The following KSR2 variants were observed in gnomAD, a reference collection of about 807,000 sequenced individuals.
KSR2 encodes the protein kinase suppressor of ras 2.
A neutral mutation model predicts 107.8 loss-of-function variants in KSR2; 25 were observed. The observed-to-expected ratio is 0.23, with a 90% CI of 0.17 to 0.32. The LOEUF is 0.32. KSR2 is among the 10% of genes least tolerant of loss of function. KSR2 has a pLI of 1.00. For missense variants in KSR2, 887 were observed against 1,268.9 expected (o/e 0.70, Z 4.57); for synonymous variants, 480 against 507.0 (o/e 0.95, Z 0.71).
At chr12:117,844,083 T>C (rs540645779) in intron 3 of KSR2, among the ~76,000 whole-genome samples, 2 of 152,252 alleles carry the variant, frequency 1.3e-5, no homozygotes, top group Admixed American at 6.5e-5. Flanking sequence ...GCAGAAGGGA[T>C]ACTGTTCCAG....
At chr12:117,889,816 C>T (rs568649852) in intron 1 of KSR2, 5 of 152,328 alleles carry the variant, frequency 3.3e-5, no homozygotes, top group South Asian at 2.1e-4. Flanking sequence ...AGATGGGGAG[C>T]TGTTACTAAA....
chr12:117,589,762 T>A (rs1880213499), intron 5 of KSR2, among the ~76,000 whole-genome samples: 1 of 152,218 alleles, frequency 6.6e-6, no homozygotes, highest in South Asian at 2.1e-4. Flanking sequence ...ATATATCAGA[T>A]CTGAAAGTAT....
At position 117,641,907 on chromosome 12, in the gene KSR2, C is replaced by T. The variant is rs997965458; in HGVS notation, c.1171+25567G>A. Among the ~76,000 whole-genome samples, 104 of 152,182 alleles carry T rather than the reference C, an allele frequency of 6.8e-4. 2 individuals carry two copies. Among genetic ancestry groups the T allele is most frequent in the Non-Finnish European group, 2.5e-4 (17 of 68,042 alleles). ...ACTCCCACCCACCTCTCCAGTCCCA[C>T]CTCTAACATTCTCTCTCCCCTGCTT... On this transcript the variant is annotated intron_variant, in intron 5 of 19. Transcript: ENST00000339824.
chr12:117,897,775 T>C lies in KSR2; in HGVS notation c.181-37344A>G, dbSNP rs1894559255. On this transcript the variant is annotated intron_variant, in intron 1 of 19. Transcript: ENST00000339824. The surrounding 1 kb of genome is among the most constrained non-coding windows in gnomAD (Gnocchi z 4.5). ...AATGCAGCAGAAACCACCAAGCAGATGCCATACAAATATAATGGGCTTAAT... is the reference window on the plus strand; with the variant it reads ...AATGCAGCAGAAACCACCAAGCAGACGCCATACAAATATAATGGGCTTAAT... Among the ~76,000 whole-genome samples the C allele has an allele frequency of 6.6e-6, 1 of 152,110 alleles. No individual in the cohort carries two copies. Among genetic ancestry groups the C allele is most frequent in the Non-Finnish European group, 1.5e-5 (1 of 68,024 alleles).
chr12:117,822,623 T>A (rs1891604854), intron 3 of KSR2, among the ~76,000 whole-genome samples: 1 of 152,244 alleles, frequency 6.6e-6, no homozygotes, highest in Admixed American at 6.5e-5. Context: ...ATATTTTATA[T>A]GTTATGAATA....
intron 4 of KSR2, among the ~76,000 whole-genome samples, chr12:117,737,303 G>C (rs571798338): frequency 1.3e-5 from 2 of 152,240 alleles, no homozygotes; most frequent in South Asian, 4.2e-4. Context: ...AGTGAGATTT[G>C]CTTCAGCCTC....
chr12:117,617,462 T>C (rs11068575), intron 5 of KSR2, among the ~76,000 whole-genome samples: 6,261 of 152,312 alleles, frequency 0.041, 180 homozygotes, highest in Non-Finnish European at 0.065. Context: ...ATGTCTTATA[T>C]ATCTTAATCA....
At chr12:117,650,199 A>T (rs949695442) in intron 5 of KSR2, among the ~76,000 whole-genome samples, 1 of 152,134 alleles carries the variant, frequency 6.6e-6, no homozygotes, top group Non-Finnish European at 1.5e-5. Context: ...AGGCAGAAAA[A>T]TGTGAAAAGG....
rs1355067099 is a variant in KSR2 at position 117,803,437 on chromosome 12, T to A, written c.473-41913A>T. Among the ~76,000 whole-genome samples, 4 of 152,326 alleles carry A rather than the reference T, an allele frequency of 2.6e-5. No homozygotes were observed. In the East Asian group the frequency reaches 7.7e-4, roughly 29 times the overall value. On this transcript the variant is annotated intron_variant, in intron 3 of 19. Coordinates refer to ENST00000339824, the MANE Select transcript of KSR2 (RefSeq NM_173598.6). ...GTTGAAATTGGCCAGGCGCAGTGGC[T>A]CACGCCTGTAATCCCAGCACTTTGG...
chr12:117,892,266 T>C (rs1213483405), intron 1 of KSR2, among the ~76,000 whole-genome samples: 1 of 152,200 alleles, frequency 6.6e-6, no homozygotes, highest in Non-Finnish European at 1.5e-5. Context: ...ATCGCGCCAC[T>C]GCACTCCAGT....
In KSR2 at chr12:117,458,479, C is replaced by T. The variant is rs1259706130; in HGVS notation, c.*8720G>A. On this transcript the variant is annotated 3_prime_UTR_variant, in exon 20 of 20. Coordinates refer to ENST00000339824, the MANE Select transcript of KSR2 (RefSeq NM_173598.6). ...CATTAGACTTTCAAATTTAAGAAGG[C>T]GCGATGCAAATAGCATGTTGGCATA... 2.0e-5 allele frequency: 3 copies of T among 151,908 alleles called. No individual in the cohort carries two copies. Among genetic ancestry groups the T allele is most frequent in the Admixed American group, 6.6e-5 (1 of 15,254 alleles). 9.4% of individuals were successfully genotyped at this position (151,908 alleles called of 1,614,324 possible). A position where few individuals can be genotyped will look rare whatever the true frequency, so the allele number is the denominator to read the frequency against.
chr12:117,941,448 A>G (rs1896002386), intron 1 of KSR2, among the ~76,000 whole-genome samples: 1 of 152,074 alleles, frequency 6.6e-6, no homozygotes. Context: ...CTCAAAGTGT[A>G]CATTTTTTTA....
intron 5 of KSR2, among the ~76,000 whole-genome samples, chr12:117,657,855 G>T (rs530529889): frequency 1.3e-5 from 2 of 152,228 alleles, no homozygotes; most frequent in Non-Finnish European, 2.9e-5. Context: ...GACTGACGTA[G>T]TCACTGCCTT....
In KSR2 at chr12:117,539,723, C is replaced by T. The variant is rs774310131; in HGVS notation, c.1683G>A (p.Leu561=). ...TCTCCCCAAGCATGGAGGTACCTGG[C>T]AGGTTGAAGTTCTTCTGCTGCCGTG... ...QCTRQQKNFN[L]PASHYYKYKQ... is the part of the protein sequence containing the mutation. Residue 561 remains leucine (L), a synonymous_variant, in exon 10 of 20, where the codon CTG becomes CTA. Coordinates refer to ENST00000339824, the MANE Select transcript of KSR2 (RefSeq NM_173598.6). 1.9e-6 allele frequency: 3 copies of T among 1,596,870 alleles called. No homozygotes were observed. Among genetic ancestry groups the T allele is most frequent in the East Asian group, 2.3e-5 (1 of 43,148 alleles).
chr12:117,527,046 C>T (rs768278570), intron 13 of KSR2, 25 bp downstream of exon 13: 1 of 1,610,366 alleles, frequency 6.2e-7, no homozygotes, highest in Non-Finnish European at 8.5e-7. Flanking sequence ...TGGAAAATGT[C>T]GCTTCACTGC....
intron 3 of KSR2, among the ~76,000 whole-genome samples, chr12:117,779,006 C>T (rs1001422706): frequency 1.3e-5 from 2 of 152,180 alleles, no homozygotes; most frequent in African/African-American, 4.8e-5. Flanking sequence ...ATCCCTTTGG[C>T]TTTCCCCTCC....
intron 2 of KSR2, among the ~76,000 whole-genome samples, chr12:117,857,300 T>C (rs1159393688): frequency 6.6e-6 from 1 of 152,180 alleles, no homozygotes; most frequent in Non-Finnish European, 1.5e-5. Context: ...CCTCAAGTGA[T>C]CCTCCCACCT....
chr12:117,797,236 T>C (rs1890665595), intron 3 of KSR2, among the ~76,000 whole-genome samples: 1 of 152,210 alleles, frequency 6.6e-6, no homozygotes, highest in Non-Finnish European at 1.5e-5. Context: ...ACAATCACCA[T>C]GTCCATCAAC....
At chr12:117,708,075 A>C (rs1886600684) in intron 4 of KSR2, among the ~76,000 whole-genome samples, 2 of 152,236 alleles carry the variant, frequency 1.3e-5, no homozygotes, top group Non-Finnish European at 2.9e-5. Context: ...GGATATCTAT[A>C]CAAGGATATA....
Sources: allele counts gnomAD v4.1 joint callset (sites outside exome capture counted in the v4.1 genomes callset), GRCh38; gene constraint gnomAD v4.1.1; non-coding constraint Gnocchi (gnomAD v3.1); transcripts MANE v1.5; gene names NCBI Gene and HGNC (gene_info 2026-07-23, HGNC 2026-07-21).